The following GPR153 variants were observed in gnomAD, a reference collection of about 807,000 sequenced individuals.
GPR153 encodes G protein-coupled receptor 153.
Under a neutral mutation model 34.1 loss-of-function variants are expected in GPR153, and 27 were observed. That is an observed-to-expected ratio of 0.79 (90% CI 0.58 to 1.09). The LOEUF (loss-of-function observed/expected upper bound fraction) is 1.09. Ranked by LOEUF, GPR153 falls within the 50% of genes least tolerant of loss-of-function variation. The pLI, the probability that GPR153 is intolerant of heterozygous loss-of-function variation, is 0.00. For missense variants in GPR153, 848 were observed against 860.2 expected, an observed-to-expected ratio of 0.99 and a Z score of 0.18; for synonymous variants, 408 against 405.4, an observed-to-expected ratio of 1.01 and a Z score of -0.08.
At position 6,249,186 on chromosome 1, in the gene GPR153, G is replaced by A. The variant is rs1416606935; in HGVS notation, c.*152C>T. 1 of 534,374 alleles carries A rather than the reference G, an allele frequency of 1.9e-6. No homozygotes were observed. The highest frequency in any genetic ancestry group is 2.8e-6 in the Non-Finnish European group (1 of 353,736). 33.1% of individuals were successfully genotyped at this position (534,374 alleles called of 1,614,324 possible). A position where few individuals can be genotyped will look rare whatever the true frequency, so the allele number is the denominator to read the frequency against. On this transcript the variant is annotated 3_prime_UTR_variant, in exon 6 of 6. Transcript: ENST00000377893. This position sits in a 1 kb window ranked among gnomAD's most constrained non-coding sequence, Gnocchi z 4.3. ...GCCCCTGGGACAAGGCCAGCTGGGA[G>A]GAGCCGGAAGACAAACGCTGAGGCC...
In GPR153 at chr1:6,255,670, T is replaced by G. The variant is rs1178396534; in HGVS notation, c.-109-656A>C. On this transcript the variant is annotated intron_variant, in intron 1 of 5. Transcript: ENST00000377893. ...TTTTTTTTTTTTTTTTTTTTTTTTTTGAGATAGAATCTTGCTCTGTCACCC... is the reference window on the plus strand; with the variant it reads ...TTTTTTTTTTTTTTTTTTTTTTTTTGGAGATAGAATCTTGCTCTGTCACCC... 6.3e-5 allele frequency among the ~76,000 whole-genome samples: 8 copies of G among 127,430 alleles called. No individual in the cohort carries two copies. In the East Asian group the frequency reaches 2.1e-3, roughly 33 times the overall value. The allele number at this position is 127,430 out of a possible 152,430, so 83.6% of individuals were successfully genotyped here.
rs773395056 is a variant in GPR153, at chr1:6,253,949, G to T, written c.555C>A (p.Ala185=). Residue 185 remains alanine, a synonymous_variant, in exon 3 of 6, where the codon GCC becomes GCA. Coordinates refer to ENST00000377893, the MANE Select transcript of GPR153 (RefSeq NM_207370.4). ...CGATGGCTGTGCAGATCACGCCCAT[G>T]GCCACGCTGCCGCCCACCAGCAGCA... ...CFLLLVGGSV[A]MGVICTAIAL... 3.1e-6 allele frequency: 5 copies of T among 1,612,340 alleles called. No individual in the cohort carries two copies. In the South Asian group the frequency reaches 5.5e-5, roughly 18 times the overall value.
At chr1:6,253,119 C>G (rs548872293) in intron 3 of GPR153, among the ~76,000 whole-genome samples, 1 of 152,158 alleles carries the variant, frequency 6.6e-6, no homozygotes, top group East Asian at 1.9e-4. Flanking sequence ...AGGCCAGATG[C>G]AGTGGTTCAC....
chr1:6,260,651 G>T (rs1456117480), intron 1 of GPR153, among the ~76,000 whole-genome samples, 174 bp downstream of exon 1: 1 of 151,928 alleles, frequency 6.6e-6, no homozygotes, highest in Non-Finnish European at 1.5e-5. Flanking sequence ...TGGCCCCAGG[G>T]AAGTTACCCC....
Position 6,249,258 on chromosome 1 carries a change from G to C in GPR153, c.*80C>G. The C allele has an allele frequency of 9.5e-7, 1 of 1,047,708 alleles. No individual in the cohort carries two copies. The highest frequency in any genetic ancestry group is 1.2e-6 in the Non-Finnish European group (1 of 818,984). 64.9% of individuals were successfully genotyped at this position (1,047,708 alleles called of 1,614,324 possible). Reference sequence around the variant, plus strand: ...GGGGTGGCGCATGTCTGCGCGCGGGGCGGAGGCGGGCGTCTTTGGTGCTGC... The same window carrying C: ...GGGGTGGCGCATGTCTGCGCGCGGGCCGGAGGCGGGCGTCTTTGGTGCTGC... On this transcript the variant is annotated 3_prime_UTR_variant, in exon 6 of 6. Transcript: ENST00000377893. The surrounding 1 kb of genome is among the most constrained non-coding windows in gnomAD (Gnocchi z 4.3).
At position 6,254,850 on chromosome 1, in the gene GPR153, C is replaced by A. The variant is rs902614354; in HGVS notation, c.56G>T (p.Gly19Val). The A allele has an allele frequency of 1.9e-6, 3 of 1,604,410 alleles. No homozygotes were observed. The South Asian group carries it at 3.4e-5, about 18-fold the overall frequency. Residue 19 changes from glycine (G) to valine (V), a missense_variant, in exon 2 of 6, where the codon GGC becomes GTC. Transcript: ENST00000377893. ...CCAGGCATTGGCCAGCAGGGAGAGG[C>A]CCCCACATACCAGCCAGCCCACTGC... is the stretch of plus-strand genomic sequence containing the variant. ...GSAVGWLVCG[G>V]LSLLANAWGI... is the part of the protein sequence containing the mutation.
At chr1:6,250,376 C>A in intron 5 of GPR153, 64 bp downstream of exon 5, 1 of 1,500,706 alleles carries the variant, frequency 6.7e-7, no homozygotes, top group Non-Finnish European at 8.9e-7. Flanking sequence ...AGTGGAGAGG[C>A]CTCGGGGAGC....
At chr1:6,256,185 C>T (rs1179012031) in intron 1 of GPR153, among the ~76,000 whole-genome samples, 1 of 152,142 alleles carries the variant, frequency 6.6e-6, no homozygotes, top group Non-Finnish European at 1.5e-5. Context: ...AAGGAGCTTT[C>T]CCTCTTCTGC....
At chr1:6,260,540 G>A (rs954213051) in intron 1 of GPR153, among the ~76,000 whole-genome samples, 3 of 151,942 alleles carry the variant, frequency 2.0e-5, no homozygotes, top group African/African-American at 7.2e-5. Flanking sequence ...CGCCGAGCAG[G>A]GGCGGGCTCA....
In GPR153 at chr1:6,251,165, C is replaced by A. The variant is rs925146226; in HGVS notation, c.979+173G>T. Among the ~76,000 whole-genome samples, 4 of 152,196 alleles carry A rather than the reference C, an allele frequency of 2.6e-5. No individual in the cohort carries two copies. The highest frequency in any genetic ancestry group is 5.9e-5 in the Non-Finnish European group (4 of 68,028). On this transcript the variant is annotated intron_variant, in intron 4 of 5. Transcript: ENST00000377893. This position sits in a 1 kb window ranked among gnomAD's most constrained non-coding sequence, Gnocchi z 4.9. ...CAGATAGGAGAGTGCCCTGTGGGAA[C>A]CTGGCTTAGGTCCCTTGGACATTCA...
At position 6,257,086 on chromosome 1, in the gene GPR153, G is replaced by T. The variant is rs189420291; in HGVS notation, c.-109-2072C>A. Among the ~76,000 whole-genome samples the T allele has an allele frequency of 2.4e-3, 362 of 152,306 alleles. 2 individuals are homozygous for T. The highest frequency in any genetic ancestry group is 3.4e-3 in the Middle Eastern group (1 of 294). ...CCCTTCCAGGTTACCTGCATCCTCA[G>T]GGAACCATCCAAGGTGGGCCCAGAT... On this transcript the variant is annotated intron_variant, in intron 1 of 5. Coordinates refer to ENST00000377893, the MANE Select transcript of GPR153 (RefSeq NM_207370.4).
chr1:6,257,435 G>A (rs763495981), intron 1 of GPR153, among the ~76,000 whole-genome samples: 6 of 152,188 alleles, frequency 3.9e-5, no homozygotes, highest in Non-Finnish European at 8.8e-5. Context: ...CCAGGACCCC[G>A]CGCTGAGGTT....
intron 2 of GPR153, 87 bp from the exon 3 acceptor site, chr1:6,254,234 C>A: frequency 8.0e-7 from 1 of 1,254,968 alleles, no homozygotes; most frequent in African/African-American, 1.5e-5. Flanking sequence ...GGATCCGCAC[C>A]ACCCAGGCAC....
Position 6,253,758 on chromosome 1 carries a change from A to G in GPR153, c.746T>C (p.Ile249Thr), listed in dbSNP as rs1638499245. 1.3e-6 allele frequency: 2 copies of G among 1,540,714 alleles called. No homozygotes were observed. Among genetic ancestry groups the G allele is most frequent in the South Asian group, 1.3e-5 (1 of 78,864 alleles). Residue 249 changes from isoleucine (I) to threonine (T), a missense_variant, in exon 3 of 6, where the codon ATA becomes ACA. By Grantham distance (89) the Ile-to-Thr change is moderately conservative. Coordinates refer to ENST00000377893, the MANE Select transcript of GPR153 (RefSeq NM_207370.4). Reference protein sequence around the residue: ...SLQTTGLVTTIVFIYDCLMGF... With the variant: ...SLQTTGLVTTTVFIYDCLMGF... ...CATGAGGCAGTCGTAGATGAAGACTATGGTGGTCACGAGGCCCGTGGTCTG... is the reference window on the plus strand; with the variant it reads ...CATGAGGCAGTCGTAGATGAAGACTGTGGTGGTCACGAGGCCCGTGGTCTG...
At chr1:6,259,039 T>C (rs1445528724) in intron 1 of GPR153, among the ~76,000 whole-genome samples, 1 of 152,200 alleles carries the variant, frequency 6.6e-6, no homozygotes, top group Non-Finnish European at 1.5e-5. Flanking sequence ...GGTGAGTGGA[T>C]GGCTTGAGCC....
Position 6,249,853 on chromosome 1 carries a change from T to TGGCGC in GPR153, c.1310_1314dup (p.Ser439AlafsTer69). 1 of 1,264,700 alleles carries TGGCGC rather than the reference T, an allele frequency of 7.9e-7. No homozygotes were observed. Among genetic ancestry groups the TGGCGC allele is most frequent in the South Asian group, 2.9e-5 (1 of 34,754 alleles). The allele number at this position is 1,264,700 out of a possible 1,614,324, so 78.3% of individuals were successfully genotyped here. ...GCGTCCTCCGCGAAGGCCAGGAGGC[T>TGGCGC]GGCGCGGCGCCGCTCGGGCCCGGCA... is the stretch of plus-strand genomic sequence containing the variant. On this transcript the variant is annotated frameshift_variant, in exon 6 of 6. Coordinates refer to ENST00000377893, the MANE Select transcript of GPR153 (RefSeq NM_207370.4). LOFTEE classifies it low-confidence loss of function (END_TRUNC). The surrounding 1 kb of genome is among the most constrained non-coding windows in gnomAD (Gnocchi z 4.3).
intron 1 of GPR153, among the ~76,000 whole-genome samples, chr1:6,260,385 C>A (rs998804894): frequency 3.0e-5 from 2 of 66,386 alleles, no homozygotes; most frequent in African/African-American, 5.6e-5. Flanking sequence ...ATCCCCCCCC[C>A]CCCCCGCAAT....
chr1:6,250,149 GCA>G, intron 5 of GPR153, 146 bp from the exon 6 acceptor site: 1 of 1,363,100 alleles, frequency 7.3e-7, no homozygotes, highest in South Asian at 2.1e-5. Flanking sequence ...GAGGTTTGGT[GCA>G]GTCTCTTCGA....
intron 1 of GPR153, among the ~76,000 whole-genome samples, chr1:6,260,354 T>C (rs1571245847): frequency 1.5e-5 from 1 of 68,014 alleles, no homozygotes; most frequent in African/African-American, 7.9e-5. Flanking sequence ...GCCCCTACAG[T>C]CCCAACCCCC....
Sources: gnomAD v4.1 joint callset for allele counts (sites outside exome capture counted in the v4.1 genomes callset) on GRCh38, gnomAD v4.1.1 for gene constraint, Gnocchi (gnomAD v3.1) non-coding constraint, MANE v1.5 for transcripts, NCBI Gene and HGNC (gene_info 2026-07-23, HGNC 2026-07-21) for gene names.